Variants in THADA observed in about 807,000 individuals in gnomAD.
THADA encodes THADA armadillo repeat containing, also known as tRNA (32-2'-O)-methyltransferase regulator THADA.
THADA carries 213 observed loss-of-function variants against 219.8 expected under a neutral mutation model. The observed-to-expected ratio is 0.97, with a 90% CI of 0.87 to 1.09. The LOEUF is 1.09. Ranked by LOEUF, THADA falls within the 50% of genes least tolerant of loss-of-function variation. The pLI is 0.00. For missense variants in THADA, 2,956 were observed against 2,311.3 expected (o/e 1.28, Z -5.72); for synonymous variants, 1,018 against 828.9 (o/e 1.23, Z -3.92).
chr2:43,585,992 T>A (rs1405961360), intron 7 of THADA, among the ~76,000 whole-genome samples: 2 of 152,122 alleles, frequency 1.3e-5, no homozygotes, highest in African/African-American at 4.8e-5. Flanking sequence ...GGGCTGGGCA[T>A]AGTGACTAAC....
intron 22 of THADA, among the ~76,000 whole-genome samples, chr2:43,517,727 G>A (rs1376454387): frequency 2.6e-5 from 4 of 151,956 alleles, no homozygotes; most frequent in African/African-American, 9.7e-5. Flanking sequence ...ACCTACTAGG[G>A]TCCATAAATA....
Position 43,301,346 on chromosome 2 carries a change from G to T in THADA, c.4439-8133C>A, listed in dbSNP as rs375266614. On this transcript the variant is annotated intron_variant, in intron 31 of 37. Coordinates refer to ENST00000405975, the MANE Select transcript of THADA (RefSeq NM_022065.5). ...ACCAAGAATTCAAAAGAACGAATAC[G>T]CACTATGAATGTTCCTGGCAGGCAG... is the stretch of plus-strand genomic sequence containing the variant. Among the ~76,000 whole-genome samples, 4 of 152,308 alleles carry T rather than the reference G, an allele frequency of 2.6e-5. 1 individual carries two copies. Among genetic ancestry groups the T allele is most frequent in the East Asian group, 1.9e-4 (1 of 5,196 alleles).
intron 26 of THADA, among the ~76,000 whole-genome samples, chr2:43,464,694 G>A (rs1558802913): frequency 1.3e-5 from 2 of 152,050 alleles, no homozygotes; most frequent in Admixed American, 6.6e-5. Flanking sequence ...CCACAATCCC[G>A]CTTCCTCCGG....
At chr2:43,481,604 G>C (rs998806910) in intron 26 of THADA, among the ~76,000 whole-genome samples, 5 of 152,106 alleles carry the variant, frequency 3.3e-5, no homozygotes, top group Non-Finnish European at 7.4e-5. Context: ...CATTGTACAG[G>C]TGATTTTTAT....
In THADA at chr2:43,571,835, A is replaced by G; in HGVS notation, c.1936T>C (p.Cys646Arg). ...ATTTCTGTGCTCCGATTACTTTCAC[A>G]AAGCAAGCCTAATGTATCTATCCTT... Reference protein sequence around the residue: ...QVRIDTLGLLCESNRSTEIVS... With the variant: ...QVRIDTLGLLRESNRSTEIVS... Residue 646 changes from cysteine (C) to arginine (R), a missense_variant, in exon 13 of 38, where the codon TGT becomes CGT. Cys to Arg is a radical substitution (Grantham distance 180, BLOSUM62 -3). Coordinates refer to ENST00000405975, the MANE Select transcript of THADA (RefSeq NM_022065.5). The G allele has an allele frequency of 6.2e-7, 1 of 1,613,944 alleles. No homozygotes were observed. Among genetic ancestry groups the G allele is most frequent in the Non-Finnish European group, 8.5e-7 (1 of 1,179,860 alleles).
chr2:43,558,867 C>A (rs1697714478), intron 16 of THADA, among the ~76,000 whole-genome samples: 2 of 152,096 alleles, frequency 1.3e-5, no homozygotes, highest in African/African-American at 4.8e-5. Flanking sequence ...AATCTGCAAG[C>A]CAGAGAGTAT....
At chr2:43,269,816 C>G (rs1572852558) in intron 36 of THADA, among the ~76,000 whole-genome samples, 3 of 152,228 alleles carry the variant, frequency 2.0e-5, no homozygotes, top group East Asian at 3.8e-4. Flanking sequence ...TGCAGCCCCA[C>G]TGACAATACT....
At chr2:43,415,621 G>T (rs1296968749) in intron 28 of THADA, among the ~76,000 whole-genome samples, 1 of 152,160 alleles carries the variant, frequency 6.6e-6, no homozygotes, top group Non-Finnish European at 1.5e-5. Context: ...GCCAGGGTGG[G>T]TGGCCAATTA....
intron 21 of THADA, 124 bp from the exon 22 acceptor site, chr2:43,528,112 GA>G (rs1461434942): frequency 3.5e-6 from 1 of 284,646 alleles, no homozygotes; most frequent in Admixed American, 5.0e-5. Context: ...CCATATGACA[GA>G]ACATGTTTTA....
chr2:43,347,903 C>T (rs887595998), intron 29 of THADA, among the ~76,000 whole-genome samples: 2 of 152,086 alleles, frequency 1.3e-5, no homozygotes, highest in Non-Finnish European at 2.9e-5. Flanking sequence ...CTTTATTCTG[C>T]AGACGGCAAA....
chr2:43,298,588 T>G (rs1171799972), intron 31 of THADA, among the ~76,000 whole-genome samples: 1 of 138,360 alleles, frequency 7.2e-6, no homozygotes, highest in Non-Finnish European at 1.5e-5. Flanking sequence ...ACCCAAGAAT[T>G]ATCAATAAAA....
chr2:43,275,911 T>C (rs1280228698), intron 36 of THADA, among the ~76,000 whole-genome samples: 1 of 152,360 alleles, frequency 6.6e-6, no homozygotes, highest in African/African-American at 2.4e-5. Context: ...CAGAGGCCTT[T>C]GTTCAAATGA....
chr2:43,327,762 C>T (rs1679504415), intron 30 of THADA, among the ~76,000 whole-genome samples: 1 of 152,054 alleles, frequency 6.6e-6, no homozygotes, highest in African/African-American at 2.4e-5. Context: ...CAACAACAAA[C>T]CCCCCTAAAA....
intron 8 of THADA, among the ~76,000 whole-genome samples, chr2:43,580,256 G>C (rs1009572843): frequency 6.6e-6 from 1 of 151,734 alleles, no homozygotes; most frequent in African/African-American, 2.4e-5. Context: ...GGCCAGAATG[G>C]TCTCAATCTC....
Position 43,293,056 on chromosome 2 carries a change from G to T in THADA, c.4596C>A (p.Ala1532=). ...LAIAAVWAAA[A]KSGERETNVP... ...CATTCGTCTCCCGCTCTCCACTCTTGGCTGCCGCGGCCCACACTGCAGCAA... is the reference window on the plus strand; with the variant it reads ...CATTCGTCTCCCGCTCTCCACTCTTTGCTGCCGCGGCCCACACTGCAGCAA... The change falls in exon 32 of 38, where the codon GCC becomes GCA. Residue 1532 remains alanine (A), a synonymous_variant. Coordinates refer to ENST00000405975, the MANE Select transcript of THADA (RefSeq NM_022065.5). The T allele has an allele frequency of 6.2e-7, 1 of 1,613,926 alleles. No individual in the cohort carries two copies. Among genetic ancestry groups the T allele is most frequent in the Non-Finnish European group, 8.5e-7 (1 of 1,179,888 alleles).
chr2:43,593,034 C>G (rs1414732635), intron 1 of THADA: 1 of 152,212 alleles, frequency 6.6e-6, no homozygotes, highest in African/African-American at 2.4e-5. Flanking sequence ...ACCATGCCAT[C>G]TGGAAAGAAG....
intron 28 of THADA, among the ~76,000 whole-genome samples, chr2:43,417,986 T>G (rs1288621518): frequency 1.3e-5 from 2 of 152,198 alleles, no homozygotes; most frequent in African/African-American, 4.8e-5. Flanking sequence ...TGCTAATTAT[T>G]ATCATTTATC....
intron 28 of THADA, among the ~76,000 whole-genome samples, chr2:43,418,034 T>C (rs1573548091): frequency 6.6e-6 from 1 of 152,270 alleles, no homozygotes; most frequent in Non-Finnish European, 1.5e-5. Flanking sequence ...AAAGAAGAGA[T>C]AAGAAGCATC....
intron 36 of THADA, among the ~76,000 whole-genome samples, chr2:43,260,089 T>A (rs1249132445): frequency 6.6e-6 from 1 of 152,098 alleles, no homozygotes. Context: ...GTTCAAGCAA[T>A]TCTCCTGCCT....
Sources: gnomAD v4.1 joint callset for allele counts (sites outside exome capture counted in the v4.1 genomes callset) on GRCh38, gnomAD v4.1.1 for gene constraint, MANE v1.5 for transcripts, NCBI Gene and HGNC (gene_info 2026-07-23, HGNC 2026-07-21) for gene names.